Variants in DPP6 observed in about 807,000 individuals in gnomAD.
DPP6 encodes the protein dipeptidyl peptidase like 6.
Under a neutral mutation model 122.6 loss-of-function variants are expected in DPP6, and 69 were observed. The ratio of observed to expected loss-of-function variants is 0.56; its 90% confidence interval spans 0.46 to 0.69. The LOEUF (loss-of-function observed/expected upper bound fraction) is 0.69. Ranked by LOEUF, DPP6 falls within the 30% of genes least tolerant of loss-of-function variation. DPP6 has a pLI of 0.00. For missense variants in DPP6, 928 were observed against 1,116.9 expected (o/e 0.83, Z 2.41); for synonymous variants, 418 against 433.1 (o/e 0.97, Z 0.43).
chr7:154,406,896 T>C (rs1816163482), intron 1 of DPP6, among the ~76,000 whole-genome samples: 1 of 152,152 alleles, frequency 6.6e-6, no homozygotes, highest in African/African-American at 2.4e-5. Flanking sequence ...ACACATCTGT[T>C]CCCAGCAAAA....
At chr7:154,602,750 CTTTTT>C (rs199615219) in intron 5 of DPP6, among the ~76,000 whole-genome samples, 1 of 90,908 alleles carries the variant, frequency 1.1e-5, no homozygotes, top group Non-Finnish European at 2.5e-5. Context: ...ATTCTTAATC[CTTTTT>C]TTTTTTTTTT....
chr7:154,767,380 C>T (rs1321982123), intron 8 of DPP6, among the ~76,000 whole-genome samples: 1 of 152,170 alleles, frequency 6.6e-6, no homozygotes, highest in African/African-American at 2.4e-5. Flanking sequence ...TTCCAGCAGA[C>T]CATCTGCTGG....
the DPP6 span, among the ~76,000 whole-genome samples, chr7:153,851,674 A>C: frequency 6.6e-6 from 1 of 152,204 alleles, no homozygotes; most frequent in African/African-American, 2.4e-5. Flanking sequence ...CAATATAAGT[A>C]GATTTATTCT....
At position 154,623,101 on chromosome 7, in the gene DPP6, ACT is replaced by A. The variant is rs529780164; in HGVS notation, c.628-14717_628-14716del. Among the ~76,000 whole-genome samples, 354 of 152,050 alleles carry A rather than the reference ACT, an allele frequency of 2.3e-3. 2 individuals are homozygous for A. The highest frequency in any genetic ancestry group is 8.0e-3 in the African/African-American group (332 of 41,482). ...GCACTGAGCCTCATCAGTGGGGTCC[ACT>A]CTGTTATTTCCTGGCCTTTACTTGG... On this transcript the variant is annotated intron_variant, in intron 5 of 25. Transcript: ENST00000377770.
chr7:153,808,239 G>A, the DPP6 span, among the ~76,000 whole-genome samples: 6 of 151,492 alleles, frequency 4.0e-5, no homozygotes, highest in East Asian at 1.9e-4. Context: ...CTGAGTGTGC[G>A]TGTGTGCACG....
intron 5 of DPP6, among the ~76,000 whole-genome samples, 166 bp from the exon 6 acceptor site, chr7:154,637,655 G>A (rs1446776717): frequency 6.6e-6 from 1 of 152,164 alleles, no homozygotes; most frequent in East Asian, 1.9e-4. Context: ...AAATAAACAG[G>A]ATATGCAAAT....
the DPP6 span, among the ~76,000 whole-genome samples, chr7:153,763,616 G>A: frequency 1.0e-3 from 154 of 152,234 alleles, no homozygotes; most frequent in Non-Finnish European, 1.7e-3. Flanking sequence ...TTACTGTATT[G>A]TATCTTGCTT....
At chr7:154,886,273 A>G (rs112566850) in intron 22 of DPP6, among the ~76,000 whole-genome samples, 2,173 of 152,338 alleles carry the variant, frequency 0.014, 34 homozygotes, top group South Asian at 0.069. Context: ...CTGGCCATGC[A>G]AATGGCACCT....
intron 1 of DPP6, among the ~76,000 whole-genome samples, chr7:154,256,382 C>A (rs561539886): frequency 1.3e-5 from 2 of 152,306 alleles, no homozygotes; most frequent in East Asian, 3.9e-4. Context: ...TGGCCCACTG[C>A]CTTTTATCAC....
At chr7:154,690,499 G>A (rs79083251) in intron 7 of DPP6, among the ~76,000 whole-genome samples, 4,850 of 152,178 alleles carry the variant, frequency 0.032, 248 homozygotes, top group African/African-American at 0.11. Flanking sequence ...AGAATGGAAC[G>A]GTGCCCATGA....
At chr7:153,913,802 C>T (rs1359914575) in intron 1 of DPP6, among the ~76,000 whole-genome samples, 7 of 152,254 alleles carry the variant, frequency 4.6e-5, no homozygotes, top group African/African-American at 9.6e-5. Flanking sequence ...GTTCCATGTA[C>T]GTCTCCATCT....
chr7:154,349,177 G>T (rs1160860217), intron 1 of DPP6, among the ~76,000 whole-genome samples: 2 of 152,032 alleles, frequency 1.3e-5, no homozygotes, highest in East Asian at 3.9e-4. Flanking sequence ...TGTTGTTGTT[G>T]TTTTGTTTTG....
At chr7:153,805,314 G>A in the DPP6 span, among the ~76,000 whole-genome samples, 90 of 152,216 alleles carry the variant, frequency 5.9e-4, no homozygotes, top group African/African-American at 2.1e-3. Context: ...CTTTGTTATT[G>A]TTAGTCCAAG....
At chr7:154,639,690 A>C (rs1356692588) in intron 6 of DPP6, among the ~76,000 whole-genome samples, 1 of 151,994 alleles carries the variant, frequency 6.6e-6, no homozygotes, top group Non-Finnish European at 1.5e-5. Flanking sequence ...CGGCTTCTGC[A>C]CTTAGATACC....
intron 1 of DPP6, among the ~76,000 whole-genome samples, chr7:154,063,529 G>C (rs1488376266): frequency 7.7e-6 from 1 of 129,412 alleles, no homozygotes; most frequent in Non-Finnish European, 1.7e-5. Context: ...GGAGGGGGAG[G>C]CACCCCCCGC....
chr7:154,522,178 G>A lies in DPP6; in HGVS notation c.458-18354G>A, dbSNP rs143067608. Among the ~76,000 whole-genome samples the A allele has an allele frequency of 7.6e-3, 1,162 of 152,140 alleles. 22 individuals carry two copies. Among genetic ancestry groups the A allele is most frequent in the African/African-American group, 0.026 (1,090 of 41,494 alleles). The stretch of plus-strand genomic sequence containing the variant: ...TTTAGTAGAGACGGGGTTTCACCGC[G>A]TTAGCCAGGATGATCTCAATCTCCT... On this transcript the variant is annotated intron_variant, in intron 3 of 25. Coordinates refer to ENST00000377770, the MANE Select transcript of DPP6 (RefSeq NM_130797.4).
chr7:153,888,492 C>A (rs1211080450), intron 1 of DPP6, among the ~76,000 whole-genome samples: 8 of 152,204 alleles, frequency 5.3e-5, no homozygotes, highest in African/African-American at 1.7e-4. Context: ...CCCGCTGACC[C>A]GCGCGGCCTG....
chr7:153,935,264 G>A (rs981071441), intron 1 of DPP6, among the ~76,000 whole-genome samples: 1 of 151,864 alleles, frequency 6.6e-6, no homozygotes, highest in Non-Finnish European at 1.5e-5. Context: ...GGACGTGCCC[G>A]GTAGGAGGGG....
Position 154,700,860 on chromosome 7 carries a change from C to T in DPP6, c.763-26907C>T, listed in dbSNP as rs547343340. 1.5e-4 allele frequency among the ~76,000 whole-genome samples: 23 copies of T among 152,136 alleles called. No individual in the cohort carries two copies. The East Asian group carries it at 2.9e-3, about 19-fold the overall frequency. ...TCCCCAGGATAGGGCGGTGGCCCCT[C>T]GAACCCCATCACACACACAGACCTC... On this transcript the variant is annotated intron_variant, in intron 7 of 25. Coordinates refer to ENST00000377770, the MANE Select transcript of DPP6 (RefSeq NM_130797.4).
Sources: gnomAD v4.1 joint callset for allele counts (sites outside exome capture counted in the v4.1 genomes callset) on GRCh38, gnomAD v4.1.1 for gene constraint, MANE v1.5 for transcripts, NCBI Gene and HGNC (gene_info 2026-07-23, HGNC 2026-07-21) for gene names.